Variants in NKAIN3 observed in about 807,000 individuals in gnomAD.
NKAIN3 encodes sodium/potassium-transporting ATPase subunit beta-1-interacting protein 3.
Under a neutral mutation model 30.2 loss-of-function variants are expected in NKAIN3, and 25 were observed. The observed-to-expected ratio is 0.83, with a 90% CI of 0.60 to 1.16. The LOEUF is 1.16. Ranked by LOEUF, NKAIN3 falls within the 50% of genes most tolerant of loss-of-function variation. The pLI, the probability that NKAIN3 is intolerant of heterozygous loss-of-function variation, is 0.00. For missense variants in NKAIN3, 225 were observed against 254.1 expected (o/e 0.89, Z 0.78); for synonymous variants, 91 against 89.6 (o/e 1.02, Z -0.09).
chr8:62,585,412 A>T (rs1810437716), intron 2 of NKAIN3, among the ~76,000 whole-genome samples: 4 of 152,138 alleles, frequency 2.6e-5, no homozygotes. Context: ...GTACTCCTTT[A>T]CTCATGAAAG....
At chr8:62,356,486 G>A (rs1467017304) in intron 1 of NKAIN3, among the ~76,000 whole-genome samples, 1 of 152,070 alleles carries the variant, frequency 6.6e-6, no homozygotes, top group Non-Finnish European at 1.5e-5. Context: ...TATCCACCCA[G>A]GCACCTAAAT....
chr8:62,544,877 C>T (rs566321373), intron 1 of NKAIN3, among the ~76,000 whole-genome samples: 91 of 151,908 alleles, frequency 6.0e-4, no homozygotes, highest in African/African-American at 2.1e-3. Flanking sequence ...ATATTTTGTA[C>T]GTTATATGTA....
At chr8:62,991,146 C>T (rs1257461635) in intron 5 of NKAIN3, 2 of 152,252 alleles carry the variant, frequency 1.3e-5, no homozygotes, top group Non-Finnish European at 2.9e-5. Context: ...GTGGTTGAGC[C>T]TAGTAAGTTT....
chr8:62,288,912 T>C (rs552804079), intron 1 of NKAIN3, among the ~76,000 whole-genome samples: 46 of 152,334 alleles, frequency 3.0e-4, no homozygotes, highest in South Asian at 8.3e-4. Context: ...TGTTGTTACC[T>C]GACTTTTTAA....
At position 62,968,618 on chromosome 8, in the gene NKAIN3, A is replaced by G. The variant is rs917084204; in HGVS notation, c.*3211A>G. On this transcript the variant is annotated 3_prime_UTR_variant, in exon 7 of 7. Transcript: ENST00000623646. ...TGGCAAAACTGAAGATAGGACATCC[A>G]CTGCTCTTTAGCTTCTAGTGCTGAC... is the stretch of plus-strand genomic sequence containing the variant. Among the ~76,000 whole-genome samples, 3 of 152,182 alleles carry G rather than the reference A, an allele frequency of 2.0e-5. No individual in the cohort carries two copies. The highest frequency in any genetic ancestry group is 7.2e-5 in the African/African-American group (3 of 41,456).
chr8:62,720,372 C>T (rs1345747797), intron 3 of NKAIN3, among the ~76,000 whole-genome samples: 1 of 152,120 alleles, frequency 6.6e-6, no homozygotes, highest in Non-Finnish European at 1.5e-5. Context: ...TCTATTACAA[C>T]TCTCTGAATT....
intron 1 of NKAIN3, among the ~76,000 whole-genome samples, chr8:62,514,298 A>G (rs938049626): frequency 6.6e-6 from 1 of 152,074 alleles, no homozygotes; most frequent in Non-Finnish European, 1.5e-5. Flanking sequence ...TAATGCCACT[A>G]ATTCTGATTC....
At chr8:62,801,034 C>A (rs530860837) in intron 4 of NKAIN3, among the ~76,000 whole-genome samples, 29 of 152,284 alleles carry the variant, frequency 1.9e-4, no homozygotes, top group African/African-American at 7.0e-4. Flanking sequence ...AGTCTGAGAT[C>A]AAACTGCAAG....
intron 1 of NKAIN3, among the ~76,000 whole-genome samples, chr8:62,562,933 C>G (rs1297223648): frequency 6.6e-6 from 1 of 152,062 alleles, no homozygotes; most frequent in Admixed American, 6.6e-5. Flanking sequence ...GTAACCCTGT[C>G]TCCTGTCGTC....
In NKAIN3 at chr8:62,975,252, T is replaced by C. The variant is rs1258766070; in HGVS notation, c.*9845T>C. Among the ~76,000 whole-genome samples the C allele has an allele frequency of 6.6e-6, 1 of 152,164 alleles. No homozygotes were observed. The highest frequency in any genetic ancestry group is 1.5e-5 in the Non-Finnish European group (1 of 68,022). The stretch of plus-strand genomic sequence containing the variant: ...AAGGAATGGTACCAGCTCCTCTTTG[T>C]AACTCTGGTAGAGTTCAGCTATGAG... On this transcript the variant is annotated 3_prime_UTR_variant, in exon 7 of 7. Transcript: ENST00000623646.
At chr8:62,832,165 A>G (rs1180742864) in intron 4 of NKAIN3, among the ~76,000 whole-genome samples, 1 of 151,936 alleles carries the variant, frequency 6.6e-6, no homozygotes, top group African/African-American at 2.4e-5. Flanking sequence ...AGCCATCACT[A>G]AGGAAATTCA....
intron 3 of NKAIN3, among the ~76,000 whole-genome samples, chr8:62,623,589 C>T (rs956759385): frequency 6.6e-6 from 1 of 152,072 alleles, no homozygotes; most frequent in African/African-American, 2.4e-5. Context: ...TGATGCTCTT[C>T]TTTTCTTACG....
intron 1 of NKAIN3, among the ~76,000 whole-genome samples, chr8:62,320,340 A>G (rs1051378207): frequency 6.6e-6 from 1 of 151,992 alleles, no homozygotes; most frequent in African/African-American, 2.4e-5. Context: ...ACATTTAAGG[A>G]TAATATTGTT....
At position 62,371,880 on chromosome 8, in the gene NKAIN3, G is replaced by A. The variant is rs558126693; in HGVS notation, c.54+122753G>A. Among the ~76,000 whole-genome samples the A allele has an allele frequency of 6.6e-5, 10 of 151,932 alleles. No individual in the cohort carries two copies. The South Asian group carries it at 2.1e-3, about 32-fold the overall frequency. On this transcript the variant is annotated intron_variant, in intron 1 of 6. Coordinates refer to ENST00000623646, the MANE Select transcript of NKAIN3 (RefSeq NM_001304533.3). ...CTAAAACTTTCTTTCAGTTCCCATG[G>A]TAAATTATTTTCAGTGCTCAGCCCC...
intron 4 of NKAIN3, among the ~76,000 whole-genome samples, chr8:62,795,068 ATT>A (rs1817820144): frequency 6.6e-6 from 1 of 152,182 alleles, no homozygotes; most frequent in Non-Finnish European, 1.5e-5. Context: ...AGGTCCAGGA[ATT>A]TGTATAATTA....
intron 4 of NKAIN3, among the ~76,000 whole-genome samples, chr8:62,820,390 C>T (rs193001723): frequency 6.6e-6 from 1 of 152,122 alleles, no homozygotes; most frequent in East Asian, 1.9e-4. Context: ...GTTAAGACTT[C>T]GAGGCTCACT....
At chr8:62,252,645 A>T (rs1812145553) in intron 1 of NKAIN3, among the ~76,000 whole-genome samples, 1 of 152,230 alleles carries the variant, frequency 6.6e-6, no homozygotes, top group South Asian at 2.1e-4. Context: ...AGTGAAAAGT[A>T]TGAATACAGG....
intron 1 of NKAIN3, chr8:62,483,720 A>G: frequency 3.2e-6 from 1 of 309,010 alleles, no homozygotes; most frequent in Non-Finnish European, 6.4e-6. Flanking sequence ...TCAATAAATT[A>G]GCTTCTTCAA....
intron 1 of NKAIN3, among the ~76,000 whole-genome samples, chr8:62,294,131 C>T (rs1813749126): frequency 6.6e-6 from 1 of 152,200 alleles, no homozygotes. Context: ...CAGGTACCGT[C>T]TGTCACGGCT....
Sources: gnomAD v4.1 joint callset for allele counts (sites outside exome capture counted in the v4.1 genomes callset) on GRCh38, gnomAD v4.1.1 for gene constraint, MANE v1.5 for transcripts, NCBI Gene and HGNC (gene_info 2026-07-23, HGNC 2026-07-21) for gene names.